Variants in GPR137B observed in about 807,000 individuals in gnomAD.
The protein encoded by GPR137B is G protein-coupled receptor 137B.
In GPR137B, 42 loss-of-function variants were observed where a neutral mutation model predicts 42.5. That is an observed-to-expected ratio of 0.99 (90% CI 0.77 to 1.28). The LOEUF (loss-of-function observed/expected upper bound fraction) is 1.28. GPR137B is among the 50% of genes most tolerant of loss of function. GPR137B has a pLI of 0.00. For missense variants in GPR137B, 487 were observed against 493.9 expected (o/e 0.99, Z 0.13); for synonymous variants, 218 against 209.7 (o/e 1.04, Z -0.34).
At chr1:236,170,339 A>G (rs1040218299) in intron 2 of GPR137B, among the ~76,000 whole-genome samples, 1 of 152,200 alleles carries the variant, frequency 6.6e-6, no homozygotes, top group African/African-American at 2.4e-5. Context: ...AAAATTCTGA[A>G]GGTGTAATAG....
chr1:236,205,244 A>AGGGAGGGTAAGACCC lies in GPR137B; in HGVS notation c.1086_1091+9dup, dbSNP rs1558497787. 4 of 1,612,886 alleles carry AGGGAGGGTAAGACCC rather than the reference A, an allele frequency of 2.5e-6. No homozygotes were observed. Among genetic ancestry groups the AGGGAGGGTAAGACCC allele is most frequent in the Non-Finnish European group, 2.5e-6 (3 of 1,179,012 alleles). ...TGGAACATTGCCCCTCAGGGACTTC[A>AGGGAGGGTAAGACCC]GGGAGGGTAAGACCCTACTTCATGT... On this transcript the variant is annotated stop_gained and inframe_insertion, in exon 6 of 7. Transcript: ENST00000366592. LOFTEE classifies it high-confidence loss of function.
At chr1:236,179,808 G>A in intron 3 of GPR137B, 71 bp from the exon 4 acceptor site, 2 of 1,153,734 alleles carry the variant, frequency 1.7e-6, no homozygotes, top group Non-Finnish European at 2.4e-6. Flanking sequence ...ACTGATAGCA[G>A]GTGGGGGCTG....
Position 236,178,535 on chromosome 1 carries a change from G to T in GPR137B, c.586G>T (p.Ala196Ser), listed in dbSNP as rs775645450. The T allele has an allele frequency of 6.2e-7, 1 of 1,613,036 alleles. No homozygotes were observed. The change falls in exon 3 of 7, where the codon GCC becomes TCC. Residue 196 changes from alanine to serine, a missense_variant. Transcript: ENST00000366592. ...GAAGGTTATCGTCTCTGTGCGAGTG[G>T]CCATTAATGACACGCTCTTCGTGCT... is the stretch of plus-strand genomic sequence containing the variant. ...ERKVIVSVRV[A>S]INDTLFVLCA...
chr1:236,181,978 C>T (rs1001346389), intron 4 of GPR137B, among the ~76,000 whole-genome samples: 6 of 147,720 alleles, frequency 4.1e-5, no homozygotes, highest in Non-Finnish European at 7.4e-5. Context: ...CTGCAACCTC[C>T]GCCTCCCGGG....
At chr1:236,162,059 G>A (rs1662219097) in intron 1 of GPR137B, among the ~76,000 whole-genome samples, 2 of 152,226 alleles carry the variant, frequency 1.3e-5, no homozygotes, top group Admixed American at 6.5e-5. Flanking sequence ...GAACTTTCTA[G>A]AGACTTATTG....
intron 5 of GPR137B, among the ~76,000 whole-genome samples, chr1:236,192,443 G>A (rs1459105398): frequency 6.6e-6 from 1 of 151,976 alleles, no homozygotes; most frequent in African/African-American, 2.4e-5. Flanking sequence ...GCCCAGTTTT[G>A]TGCTTGAAAC....
rs906587223 is a variant in GPR137B, at chr1:236,208,823, G to A, written c.*665G>A. ...GACTGGTACTTCCTTTCAGTAGGGC[G>A]CTAATGTATACACATTAATGATAAG... On this transcript the variant is annotated 3_prime_UTR_variant, in exon 7 of 7. Transcript: ENST00000366592. 3.3e-5 allele frequency: 32 copies of A among 980,296 alleles called. No individual in the cohort carries two copies. The highest frequency in any genetic ancestry group is 3.6e-5 in the Non-Finnish European group (30 of 825,494). The allele number at this position is 980,296 out of a possible 1,614,324, so 60.7% of individuals were successfully genotyped here.
chr1:236,208,387 A>C lies in GPR137B; in HGVS notation c.*229A>C. 8.8e-7 allele frequency: 1 copy of C among 1,132,146 alleles called. No individual in the cohort carries two copies. Among genetic ancestry groups the C allele is most frequent in the Non-Finnish European group, 1.1e-6 (1 of 885,708 alleles). 70.1% of individuals were successfully genotyped at this position (1,132,146 alleles called of 1,614,324 possible). A position where few individuals can be genotyped will look rare whatever the true frequency, so the allele number is the denominator to read the frequency against. Reference sequence around the variant, plus strand: ...CAGTGGGTATAATTTAAACTTTTTAAAGAAAATCTGTACTTTTATAAAGAT... The same window carrying C: ...CAGTGGGTATAATTTAAACTTTTTACAGAAAATCTGTACTTTTATAAAGAT... On this transcript the variant is annotated 3_prime_UTR_variant, in exon 7 of 7. Coordinates refer to ENST00000366592, the MANE Select transcript of GPR137B (RefSeq NM_003272.4).
At position 236,205,187 on chromosome 1, in the gene GPR137B, C is replaced by T; in HGVS notation, c.1028C>T (p.Pro343Leu). The change falls in exon 6 of 7, where the codon CCT becomes CTT. Residue 343 changes from proline to leucine, a missense_variant. Physicochemically the swap from Pro to Leu is moderately conservative, Grantham distance 98. Transcript: ENST00000366592. ...CCCAGATCTTATTTCTTTGACAACC[C>T]TCGAAGATATGACAGTGATGATGAC... ...FSPRSYFFDNPRRYDSDDDLA... is the reference protein window; with the variant it reads ...FSPRSYFFDNLRRYDSDDDLA... 6.2e-7 allele frequency: 1 copy of T among 1,612,162 alleles called. No individual in the cohort carries two copies. The highest frequency in any genetic ancestry group is 8.5e-7 in the Non-Finnish European group (1 of 1,178,280).
At chr1:236,158,132 C>T (rs1428778793) in intron 1 of GPR137B, among the ~76,000 whole-genome samples, 1 of 152,104 alleles carries the variant, frequency 6.6e-6, no homozygotes, top group Non-Finnish European at 1.5e-5. Flanking sequence ...ATTTATTAAA[C>T]CACAGCTGGG....
chr1:236,168,438 A>G (rs538595181), intron 1 of GPR137B, among the ~76,000 whole-genome samples: 2 of 152,118 alleles, frequency 1.3e-5, no homozygotes, highest in South Asian at 4.1e-4. Context: ...AAAAAAAAAA[A>G]AAAGAATCTG....
chr1:236,205,304 A>G, intron 6 of GPR137B, 54 bp downstream of exon 6: 1 of 1,484,594 alleles, frequency 6.7e-7, no homozygotes, highest in African/African-American at 1.4e-5. Context: ...GGGTTACACC[A>G]GTTAAATAGA....
intron 1 of GPR137B, among the ~76,000 whole-genome samples, chr1:236,151,044 C>A (rs1178706724): frequency 6.6e-6 from 1 of 152,222 alleles, no homozygotes. Context: ...ACAACAAAGT[C>A]ATGTGATCCC....
intron 1 of GPR137B, among the ~76,000 whole-genome samples, chr1:236,158,021 T>C (rs1662083932): frequency 6.6e-6 from 1 of 152,182 alleles, no homozygotes; most frequent in Non-Finnish European, 1.5e-5. Context: ...AGTGAAAGCC[T>C]GCCTAGCCAT....
chr1:236,181,153 A>G (rs1662861398), intron 4 of GPR137B, among the ~76,000 whole-genome samples: 2 of 152,196 alleles, frequency 1.3e-5, no homozygotes, highest in Admixed American at 1.3e-4. Flanking sequence ...AAAGTTTTAT[A>G]AAAGCTCATG....
intron 2 of GPR137B, among the ~76,000 whole-genome samples, chr1:236,169,611 G>C (rs1004621162): frequency 2.0e-5 from 3 of 152,182 alleles, no homozygotes; most frequent in Admixed American, 6.5e-5. Context: ...GCTTGTGCCA[G>C]AGTGTAATCT....
intron 5 of GPR137B, among the ~76,000 whole-genome samples, chr1:236,202,501 G>T (rs1346941259): frequency 6.6e-6 from 1 of 152,014 alleles, no homozygotes; most frequent in Non-Finnish European, 1.5e-5. Flanking sequence ...TGCTCCTGTG[G>T]TGGTTCCTGG....
intron 2 of GPR137B, among the ~76,000 whole-genome samples, chr1:236,170,973 C>CAAAAAAAAA (rs780390422): frequency 1.2e-5 from 1 of 83,054 alleles, no homozygotes; most frequent in Non-Finnish European, 2.5e-5. Context: ...GACTCTGTCT[C>CAAAAAAAAA]AAAAAAAAAA....
At chr1:236,161,561 T>C (rs893990741) in intron 1 of GPR137B, among the ~76,000 whole-genome samples, 3 of 144,046 alleles carry the variant, frequency 2.1e-5, no homozygotes, top group Non-Finnish European at 3.0e-5. Context: ...CCTCCTGTTA[T>C]GGTTTGGCTG....
Sources: allele counts gnomAD v4.1 joint callset (sites outside exome capture counted in the v4.1 genomes callset), GRCh38; gene constraint gnomAD v4.1.1; transcripts MANE v1.5; gene names NCBI Gene and HGNC (gene_info 2026-07-23, HGNC 2026-07-21).